BCAR3: variants seen among roughly 807,000 people sequenced by gnomAD.
BCAR3 encodes BCAR3 adaptor protein, NSP family member, also known as breast cancer anti-estrogen resistance protein 3.
Under a neutral mutation model 80.1 loss-of-function variants are expected in BCAR3, and 37 were observed. The ratio of observed to expected loss-of-function variants is 0.46; its 90% CI spans 0.36 to 0.61. The LOEUF (loss-of-function observed/expected upper bound fraction) is 0.61. Among genes scored for constraint, BCAR3 ranks in the 20% least tolerant of loss-of-function variants. The probability of loss-of-function intolerance (pLI) is 0.00; values close to 1 mark genes in which losing one functional copy is unlikely to be tolerated. For missense variants in BCAR3, 978 were observed against 1,068.2 expected, an observed-to-expected ratio of 0.92 and a Z score of 1.18; for synonymous variants, 389 against 418.9, an observed-to-expected ratio of 0.93 and a Z score of 0.87.
intron 2 of BCAR3, among the ~76,000 whole-genome samples, chr1:93,769,058 G>A (rs1340360463): frequency 1.3e-5 from 2 of 152,182 alleles, no homozygotes; most frequent in African/African-American, 4.8e-5. Flanking sequence ...AGCGTCTGGG[G>A]TTTTACAGGG....
chr1:93,639,185 C>T (rs236271), intron 3 of BCAR3, among the ~76,000 whole-genome samples: 11,589 of 152,200 alleles, frequency 0.076, 568 homozygotes, highest in African/African-American at 0.13. Context: ...ACCGAGAAAC[C>T]GGTCCCCTTT....
At chr1:93,832,537 C>T (rs546463656) in intron 2 of BCAR3, among the ~76,000 whole-genome samples, 69 of 152,324 alleles carry the variant, frequency 4.5e-4, no homozygotes, top group Admixed American at 1.7e-3. Flanking sequence ...AAGACTGACA[C>T]TGCCCAATCA....
chr1:93,785,120 A>G (rs1253654541), intron 2 of BCAR3, among the ~76,000 whole-genome samples: 1 of 152,236 alleles, frequency 6.6e-6, no homozygotes, highest in Non-Finnish European at 1.5e-5. Context: ...GTGTCCTTCA[A>G]ACAAGAAACA....
In BCAR3 at chr1:93,764,659, A is replaced by C. The variant is rs1652079177; in HGVS notation, c.-62-58517T>G. Among the ~76,000 whole-genome samples the C allele has an allele frequency of 1.1e-4, 16 of 152,174 alleles. 1 individual carries two copies. Among genetic ancestry groups the C allele is most frequent in the African/African-American group, 3.6e-4 (15 of 41,518 alleles). On this transcript the variant is annotated intron_variant, in intron 2 of 13. Transcript: ENST00000370244. ...GGAGACCTGGCTCCCCATGACACCA[A>C]GCCTGCCCCTCCTGCCTCTCTCCTC... is the stretch of plus-strand genomic sequence containing the variant.
intron 2 of BCAR3, among the ~76,000 whole-genome samples, chr1:93,830,138 C>A (rs969769147): frequency 1.3e-5 from 2 of 152,204 alleles, no homozygotes; most frequent in African/African-American, 4.8e-5. Context: ...CCTGTGGAAT[C>A]ATGAGCCAAT....
At position 93,694,267 on chromosome 1, in the gene BCAR3, A is replaced by G. The variant is rs368372635; in HGVS notation, c.-12+11825T>C. Among the ~76,000 whole-genome samples the G allele has an allele frequency of 3.9e-5, 6 of 152,266 alleles. No homozygotes were observed. In the South Asian group the frequency reaches 6.2e-4, roughly 16 times the overall value. ...GGCTGGCAACTCCACTTCCATGTCA[A>G]TCTGGTGCCAGCTCCGGGATCCTGA... On this transcript the variant is annotated intron_variant, in intron 3 of 13. Coordinates refer to the BCAR3 transcript ENST00000370244.
In BCAR3 at chr1:93,581,869, A is replaced by G. The variant is rs1321863529; in HGVS notation, c.1686+432T>C. On this transcript the variant is annotated intron_variant, in intron 7 of 11. Coordinates refer to ENST00000260502, the MANE Select transcript of BCAR3 (RefSeq NM_003567.4). ...CTGCTACTCCAGAAACTACATTTTC[A>G]TCTACAATCTACTCTCCTGTAGCTT... is the stretch of plus-strand genomic sequence containing the variant. Among the ~76,000 whole-genome samples, 4 of 152,390 alleles carry G rather than the reference A, an allele frequency of 2.6e-5. 1 individual carries two copies. The East Asian group carries it at 7.7e-4, about 29-fold the overall frequency.
intron 3 of BCAR3, among the ~76,000 whole-genome samples, chr1:93,640,789 T>G (rs994749064): frequency 6.6e-6 from 1 of 152,252 alleles, no homozygotes; most frequent in South Asian, 2.1e-4. Flanking sequence ...GGGTTTAGAC[T>G]TTTGTAAAAG....
At chr1:93,582,066 AAG>A (rs1673729282) in intron 7 of BCAR3, among the ~76,000 whole-genome samples, 1 of 152,218 alleles carries the variant, frequency 6.6e-6, no homozygotes, top group East Asian at 1.9e-4. Flanking sequence ...TGAATTTTAT[AAG>A]CTTCCTGCTT....
intron 2 of BCAR3, among the ~76,000 whole-genome samples, chr1:93,772,156 C>A (rs1047613264): frequency 2.6e-5 from 4 of 152,192 alleles, no homozygotes; most frequent in Non-Finnish European, 5.9e-5. Context: ...GGCCAAATCA[C>A]AAGGGACATT....
chr1:93,781,475 C>T (rs6684389), intron 2 of BCAR3, among the ~76,000 whole-genome samples: 20,542 of 152,128 alleles, frequency 0.14, 2,174 homozygotes, highest in African/African-American at 0.28. Context: ...TTGATAATGC[C>T]CATCATTTTG....
intron 2 of BCAR3, among the ~76,000 whole-genome samples, chr1:93,767,033 A>G (rs1248546351): frequency 8.6e-5 from 13 of 152,024 alleles, no homozygotes; most frequent in Non-Finnish European, 1.9e-4. Context: ...ACAGAGTAAA[A>G]AAAAAGCCTC....
chr1:93,706,363 A>G (rs1051859383), intron 2 of BCAR3, among the ~76,000 whole-genome samples: 2 of 152,162 alleles, frequency 1.3e-5, no homozygotes, highest in African/African-American at 4.8e-5. Flanking sequence ...TTGTCTCAGC[A>G]GGTTACAATT....
intron 2 of BCAR3, among the ~76,000 whole-genome samples, chr1:93,764,405 C>T (rs1215176677): frequency 2.6e-5 from 4 of 152,094 alleles, no homozygotes; most frequent in African/African-American, 4.8e-5. Context: ...CGCCATTCAT[C>T]GCATCAGCCA....
intron 1 of BCAR3, among the ~76,000 whole-genome samples, chr1:93,680,127 T>C (rs1325886850): frequency 6.6e-6 from 1 of 152,246 alleles, no homozygotes; most frequent in Non-Finnish European, 1.5e-5. Flanking sequence ...AGTAAACTTA[T>C]GAAGTCTAGC....
At chr1:93,835,457 T>C (rs1654731004) in intron 2 of BCAR3, among the ~76,000 whole-genome samples, 1 of 152,152 alleles carries the variant, frequency 6.6e-6, no homozygotes, top group Non-Finnish European at 1.5e-5. Flanking sequence ...ACTCTCCCAC[T>C]GAAACTTCCA....
intron 2 of BCAR3, among the ~76,000 whole-genome samples, chr1:93,844,965 T>G (rs1489859271): frequency 6.6e-6 from 1 of 152,184 alleles, no homozygotes; most frequent in African/African-American, 2.4e-5. Context: ...CACTGTCTGC[T>G]AACACTGTAT....
intron 2 of BCAR3, among the ~76,000 whole-genome samples, chr1:93,669,888 G>C (rs1315079926): frequency 6.6e-6 from 1 of 152,192 alleles, no homozygotes; most frequent in Non-Finnish European, 1.5e-5. Context: ...GCTAAGCTAT[G>C]AGATGCAAAG....
chr1:93,575,912 A>G, intron 8 of BCAR3, 102 bp downstream of exon 8: 1 of 948,046 alleles, frequency 1.1e-6, no homozygotes, highest in Non-Finnish European at 1.6e-6. Context: ...CTGTTACCCC[A>G]GGGCTAGGCT....
Sources: gnomAD v4.1 joint callset for allele counts (sites outside exome capture counted in the v4.1 genomes callset) on GRCh38, gnomAD v4.1.1 for gene constraint, MANE v1.5 for transcripts, NCBI Gene and HGNC (gene_info 2026-07-23, HGNC 2026-07-21) for gene names.